The following USP34 variants were observed in gnomAD, a reference collection of about 807,000 sequenced individuals.
USP34 encodes the protein ubiquitin specific peptidase 34, also known as ubiquitin carboxyl-terminal hydrolase 34.
In USP34, 70 loss-of-function variants were observed where a neutral mutation model predicts 460.3. That is an observed-to-expected ratio of 0.15 (90% CI 0.13 to 0.19). The LOEUF (loss-of-function observed/expected upper bound fraction) is 0.19, where lower values mean the gene tolerates loss of function less well. Among genes scored for constraint, USP34 ranks in the 10% least tolerant of loss-of-function variants. The pLI is 1.00. For synonymous variants in USP34, 1,647 were observed against 1,405.3 expected (o/e 1.17, Z -3.85); for missense variants, 3,985 against 4,236.2 (o/e 0.94, Z 1.65).
At position 61,380,216 on chromosome 2, in the gene USP34, T is replaced by C. The variant is rs866486577; in HGVS notation, c.967A>G (p.Met323Val). ...AACCTCATAGTCAAAGTAGGTGACA[T>C]AAAGTACTTAAATGCAAGATCTAGG... is the stretch of plus-strand genomic sequence containing the variant. ...ESLDLAFKYF[M>V]SPTLTMRLAG... Residue 323 changes from methionine to valine, a missense_variant, in exon 7 of 80, where the codon ATG becomes GTG. Transcript: ENST00000398571. 5.0e-6 allele frequency: 8 copies of C among 1,614,000 alleles called. No homozygotes were observed. The highest frequency in any genetic ancestry group is 4.0e-5 in the African/African-American group (3 of 74,928).
chr2:61,230,427 G>A (rs1004192132), intron 58 of USP34, among the ~76,000 whole-genome samples: 14 of 152,172 alleles, frequency 9.2e-5, no homozygotes, highest in Non-Finnish European at 1.9e-4. Context: ...GGAAGCTGAG[G>A]CAGGGAGAAC....
Position 61,470,786 on chromosome 2 carries a change from G to A in USP34, c.-94C>T. The A allele has an allele frequency of 4.4e-6, 5 of 1,126,370 alleles. No individual in the cohort carries two copies. In the Admixed American group the frequency reaches 6.7e-5, roughly 15 times the overall value. 69.8% of individuals were successfully genotyped at this position (1,126,370 alleles called of 1,614,324 possible). ...GGGGAGAGAGGCGGAGGAGGGGGCC[G>A]GCCGGCCGGCGGGGCGGGGAGGCGA... On this transcript the variant is annotated 5_prime_UTR_variant, in exon 1 of 80. Transcript: ENST00000398571.
chr2:61,458,709 C>T (rs1038806788), intron 1 of USP34, among the ~76,000 whole-genome samples: 1 of 86,328 alleles, frequency 1.2e-5, no homozygotes, highest in Non-Finnish European at 2.4e-5. Context: ...TCAAGGTAGG[C>T]CATATTTCAC....
At chr2:61,366,426 T>G (rs946062429) in intron 10 of USP34, among the ~76,000 whole-genome samples, 9 of 152,188 alleles carry the variant, frequency 5.9e-5, no homozygotes, top group Non-Finnish European at 1.2e-4. Flanking sequence ...AAAGTATGAT[T>G]CTTTCTGTCA....
chr2:61,286,685 A>G (rs1047730628), intron 34 of USP34, among the ~76,000 whole-genome samples: 2 of 152,150 alleles, frequency 1.3e-5, no homozygotes, highest in Admixed American at 1.3e-4. Flanking sequence ...TGGCATGTGC[A>G]TAGAAAAAAA....
chr2:61,295,109 T>C (rs1160637780), intron 31 of USP34, 59 bp downstream of exon 31: 20 of 1,597,336 alleles, frequency 1.3e-5, no homozygotes, highest in South Asian at 4.6e-5. Flanking sequence ...CAATACATTA[T>C]AGAATTTTGC....
intron 21 of USP34, among the ~76,000 whole-genome samples, chr2:61,319,848 A>T (rs1483393750): frequency 3.3e-5 from 5 of 152,184 alleles, no homozygotes; most frequent in Non-Finnish European, 7.3e-5. Flanking sequence ...CATCTCAAAA[A>T]AACCAAAAAA....
intron 22 of USP34, 114 bp from the exon 23 acceptor site, chr2:61,317,881 AT>A (rs1391698454): frequency 1.6e-5 from 11 of 677,808 alleles, no homozygotes; most frequent in Non-Finnish European, 2.3e-5. Flanking sequence ...ATCAGTTTGA[AT>A]TTTTAGTGAT....
Position 61,271,895 on chromosome 2 carries a change from A to G in USP34, c.5434-5728T>C, listed in dbSNP as rs183773153. 3.2e-3 allele frequency among the ~76,000 whole-genome samples: 486 copies of G among 152,356 alleles called. 1 individual carries two copies. The highest frequency in any genetic ancestry group is 0.011 in the African/African-American group (464 of 41,576). ...AAAAAGTAAAAATCATTAGAGTGGA[A>G]GAGATTTTAAATATCTTGGAGTTAA... On this transcript the variant is annotated intron_variant, in intron 41 of 79. Coordinates refer to ENST00000398571, the MANE Select transcript of USP34 (RefSeq NM_014709.4).
At chr2:61,312,194 T>G (rs1006796778) in intron 25 of USP34, among the ~76,000 whole-genome samples, 1 of 135,450 alleles carries the variant, frequency 7.4e-6, no homozygotes. Flanking sequence ...ATAAAGAGAG[T>G]AGAAATATTA....
intron 10 of USP34, among the ~76,000 whole-genome samples, chr2:61,364,710 C>G (rs1692377744): frequency 6.6e-6 from 1 of 152,126 alleles, no homozygotes; most frequent in African/African-American, 2.4e-5. Context: ...AGGCAGATCA[C>G]TTCAGGTCAG....
chr2:61,191,004 T>G (rs534095592), intron 76 of USP34: 1 of 176,930 alleles, frequency 5.7e-6, no homozygotes, highest in East Asian at 1.5e-4. Flanking sequence ...ATGTGAATGT[T>G]TTCAAGGGCC....
chr2:61,282,396 C>G (rs976283250), intron 37 of USP34, among the ~76,000 whole-genome samples: 2 of 152,146 alleles, frequency 1.3e-5, no homozygotes, highest in African/African-American at 4.8e-5. Flanking sequence ...TGCCAAGATA[C>G]AGCTAATAAA....
In USP34 at chr2:61,266,492, G is replaced by A. The variant is rs765838738; in HGVS notation, c.5434-325C>T. On this transcript the variant is annotated intron_variant, in intron 41 of 79. Transcript: ENST00000398571. ...TATTCCCTTGACAAGTCTGACTGGC[G>A]CTTCTGCATTAACTTTCCCCTTACT... 5.3e-5 allele frequency among the ~76,000 whole-genome samples: 8 copies of A among 152,076 alleles called. No individual in the cohort carries two copies. The East Asian group carries it at 1.5e-3, about 29-fold the overall frequency.
chr2:61,453,029 T>A (rs61391136), intron 1 of USP34, among the ~76,000 whole-genome samples: 52,935 of 151,438 alleles, frequency 0.35, 10,333 homozygotes, highest in African/African-American at 0.53. Context: ...CTAATATTTT[T>A]AAAAAAAAAG....
At chr2:61,387,751 GTA>G (rs1218899580) in intron 5 of USP34, among the ~76,000 whole-genome samples, 1 of 136,242 alleles carries the variant, frequency 7.3e-6, no homozygotes, top group Non-Finnish European at 1.6e-5. Context: ...ATATTTTTAC[GTA>G]TACACACATG....
intron 10 of USP34, among the ~76,000 whole-genome samples, chr2:61,360,553 T>C (rs1238937076): frequency 2.6e-5 from 4 of 152,094 alleles, no homozygotes; most frequent in Non-Finnish European, 4.4e-5. Flanking sequence ...AAGAAACACA[T>C]AAATAAAAAG....
chr2:61,456,957 G>C (rs939942439), intron 1 of USP34, among the ~76,000 whole-genome samples: 1 of 151,964 alleles, frequency 6.6e-6, no homozygotes, highest in African/African-American at 2.4e-5. Flanking sequence ...CTCCAGCCTG[G>C]GCAACAGAGC....
At chr2:61,229,478 A>G in intron 59 of USP34, 70 bp downstream of exon 59, 1 of 792,296 alleles carries the variant, frequency 1.3e-6, no homozygotes, top group Non-Finnish European at 1.7e-6. Flanking sequence ...AAAAAAAACA[A>G]AAAAAAAAAA....
Sources: allele counts gnomAD v4.1 joint callset (sites outside exome capture counted in the v4.1 genomes callset), GRCh38; gene constraint gnomAD v4.1.1; transcripts MANE v1.5; gene names NCBI Gene and HGNC (gene_info 2026-07-23, HGNC 2026-07-21).